Variants in DOCK4 observed in about 807,000 individuals in gnomAD.
The protein encoded by DOCK4 is dedicator of cytokinesis protein 4.
Under a neutral mutation model 268.1 loss-of-function variants are expected in DOCK4, and 97 were observed. The observed-to-expected ratio is 0.36, with a 90% CI of 0.31 to 0.43. The LOEUF (loss-of-function observed/expected upper bound fraction) is 0.43. Among genes scored for constraint, DOCK4 ranks in the 20% least tolerant of loss-of-function variants. DOCK4 has a pLI of 1.00. For synonymous variants in DOCK4, 954 were observed against 887.2 expected (o/e 1.08, Z -1.34); for missense variants, 2,145 against 2,455.7 (o/e 0.87, Z 2.67).
chr7:111,824,571 G>C (rs952422182), intron 26 of DOCK4, among the ~76,000 whole-genome samples: 2 of 152,150 alleles, frequency 1.3e-5, no homozygotes, highest in African/African-American at 4.8e-5. Context: ...TGGTGTGTAT[G>C]TATGTGTGTA....
intron 1 of DOCK4, among the ~76,000 whole-genome samples, chr7:112,044,174 G>A (rs970696080): frequency 5.9e-5 from 9 of 152,122 alleles, no homozygotes; most frequent in Non-Finnish European, 1.5e-5. Context: ...ATAAACCTAG[G>A]AAGTTTGTTC....
chr7:112,147,795 ATTTTTTTTTTTTT>A (rs553280609), intron 1 of DOCK4, among the ~76,000 whole-genome samples: 8 of 102,890 alleles, frequency 7.8e-5, no homozygotes, highest in Admixed American at 2.2e-4. Context: ...GCAAACGTAG[ATTTTTTTTTTTTT>A]TTTTTTTTTT....
At chr7:111,798,512 G>A (rs1237216605) in intron 30 of DOCK4, among the ~76,000 whole-genome samples, 1 of 152,128 alleles carries the variant, frequency 6.6e-6, no homozygotes, top group African/African-American at 2.4e-5. Flanking sequence ...GCAGTTAAAA[G>A]GACCTATTAT....
At chr7:111,848,390 A>G (rs1009396713) in intron 23 of DOCK4, among the ~76,000 whole-genome samples, 6 of 152,218 alleles carry the variant, frequency 3.9e-5, no homozygotes, top group Non-Finnish European at 8.8e-5. Flanking sequence ...GGTGAAAGCG[A>G]TGCTACTGCC....
Position 112,206,331 on chromosome 7 carries a change from C to G in DOCK4, c.-193G>C. 1 of 618,502 alleles carries G rather than the reference C, an allele frequency of 1.6e-6. No individual in the cohort carries two copies. The highest frequency in any genetic ancestry group is 2.8e-6 in the Non-Finnish European group (1 of 358,602). 38.3% of individuals were successfully genotyped at this position (618,502 alleles called of 1,614,324 possible). A position where few individuals can be genotyped will look rare whatever the true frequency, so the allele number is the denominator to read the frequency against. On this transcript the variant is annotated 5_prime_UTR_variant, in exon 1 of 53. Coordinates refer to ENST00000428084, the MANE Select transcript of DOCK4 (RefSeq NM_001363540.2). ...GACACTGCGCCGCCCGCAGCTCTCC[C>G]GGCGGCGGCTGCTCACAGTCCTCCG...
At chr7:111,983,888 T>A (rs1798835915) in intron 7 of DOCK4, among the ~76,000 whole-genome samples, 3 of 110,584 alleles carry the variant, frequency 2.7e-5, no homozygotes, top group South Asian at 3.1e-4. Context: ...ACACACACAC[T>A]ATATGTATAT....
At position 111,921,731 on chromosome 7, in the gene DOCK4, C is replaced by T. The variant is rs75159156; in HGVS notation, c.1067-5827G>A. Among the ~76,000 whole-genome samples, 876 of 152,250 alleles carry T rather than the reference C, an allele frequency of 5.8e-3. 8 individuals carry two copies. Among genetic ancestry groups the T allele is most frequent in the African/African-American group, 0.019 (804 of 41,550 alleles). On this transcript the variant is annotated intron_variant, in intron 12 of 52. Transcript: ENST00000428084. ...ATAAAATACTTTAGGTAATGCTTAG[C>T]TCAAAGGAAGTGTCAGCTGCTACTC...
intron 44 of DOCK4, among the ~76,000 whole-genome samples, chr7:111,745,683 TAAAAAAAAAA>T (rs781530065): frequency 4.4e-4 from 22 of 49,614 alleles, no homozygotes; most frequent in African/African-American, 1.5e-3. Flanking sequence ...GACTCCGTCT[TAAAAAAAAAA>T]AAAAAAAAAA....
chr7:111,935,465 C>A, intron 12 of DOCK4, 75 bp downstream of exon 12: 1 of 1,318,754 alleles, frequency 7.6e-7, no homozygotes, highest in South Asian at 1.2e-5. Flanking sequence ...TGATAATTTC[C>A]TTCCCAAACA....
intron 1 of DOCK4, among the ~76,000 whole-genome samples, chr7:112,142,311 T>C (rs1815010900): frequency 6.6e-6 from 1 of 152,212 alleles, no homozygotes; most frequent in Non-Finnish European, 1.5e-5. Flanking sequence ...TGAAGAGTTT[T>C]AGCTCTGAAT....
chr7:112,178,630 A>G (rs2116673568), intron 1 of DOCK4, among the ~76,000 whole-genome samples: 1 of 152,314 alleles, frequency 6.6e-6, no homozygotes, highest in Admixed American at 6.5e-5. Context: ...CTGAGTTCCA[A>G]TCTGACAGAG....
intron 15 of DOCK4, 66 bp downstream of exon 15, chr7:111,900,308 G>A: frequency 6.5e-7 from 1 of 1,540,880 alleles, no homozygotes; most frequent in East Asian, 2.3e-5. Context: ...ACATCTTCAT[G>A]ACAGCTCAGT....
At chr7:111,984,252 A>G (rs1798864552) in intron 7 of DOCK4, 54 bp downstream of exon 7, 3 of 1,508,812 alleles carry the variant, frequency 2.0e-6, no homozygotes, top group Non-Finnish European at 2.7e-6. Flanking sequence ...GAGGAGTGCC[A>G]TGGAAACCAG....
In DOCK4 at chr7:111,748,995, C is replaced by T. The variant is rs187648318; in HGVS notation, c.4417-1552G>A. ...CACAAGTAGTATGTTATATAACGTT[C>T]AAAACCAGGTAAAACCAAATCGACT... On this transcript the variant is annotated intron_variant, in intron 42 of 52. Transcript: ENST00000428084. 3.6e-3 allele frequency among the ~76,000 whole-genome samples: 546 copies of T among 152,096 alleles called. 1 individual carries two copies. Among genetic ancestry groups the T allele is most frequent in the Non-Finnish European group, 4.8e-3 (323 of 67,962 alleles).
At chr7:112,162,491 G>A (rs1400098569) in intron 1 of DOCK4, among the ~76,000 whole-genome samples, 1 of 142,912 alleles carries the variant, frequency 7.0e-6, no homozygotes, top group Non-Finnish European at 1.5e-5. Flanking sequence ...GAGGAAGAGA[G>A]TGTCTGTCTG....
chr7:111,984,456 G>GA, intron 6 of DOCK4, 66 bp from the exon 7 acceptor site: 1 of 1,407,726 alleles, frequency 7.1e-7, no homozygotes, highest in Non-Finnish European at 9.8e-7. Context: ...AAAACAATTG[G>GA]TTTTTTACTA....
intron 8 of DOCK4, among the ~76,000 whole-genome samples, chr7:111,972,810 CTTCT>C (rs1343082073): frequency 2.0e-5 from 3 of 151,380 alleles, no homozygotes; most frequent in Admixed American, 6.6e-5. Context: ...GTTCTCTGTC[CTTCT>C]ATCTTTAATT....
intron 1 of DOCK4, among the ~76,000 whole-genome samples, chr7:112,140,619 T>TA (rs1271910740): frequency 5.3e-5 from 8 of 150,348 alleles, no homozygotes; most frequent in Admixed American, 5.3e-4. Flanking sequence ...AAAAAAAAGT[T>TA]AAAAAAATAC....
At chr7:111,748,610 G>A (rs1796431581) in intron 42 of DOCK4, among the ~76,000 whole-genome samples, 1 of 152,126 alleles carries the variant, frequency 6.6e-6, no homozygotes. Context: ...GACAACAGCA[G>A]ATGAGAGTGA....
Sources: gnomAD v4.1 joint callset for allele counts (sites outside exome capture counted in the v4.1 genomes callset) on GRCh38, gnomAD v4.1.1 for gene constraint, MANE v1.5 for transcripts, NCBI Gene and HGNC (gene_info 2026-07-23, HGNC 2026-07-21) for gene names.